Variants in AP1G1 observed in about 807,000 individuals in gnomAD.
AP1G1 encodes the protein AP-1 complex subunit gamma-1.
A neutral mutation model predicts 108.3 loss-of-function variants in AP1G1; 7 were observed. The observed-to-expected ratio is 0.06, with a 90% CI of 0.04 to 0.12. AP1G1 has a LOEUF of 0.12. Ranked by LOEUF, AP1G1 falls within the 10% of genes least tolerant of loss-of-function variation. The pLI is 1.00. For synonymous variants in AP1G1, 379 were observed against 353.5 expected, an observed-to-expected ratio of 1.07 and a Z score of -0.81; for missense variants, 756 against 1,010.7, an observed-to-expected ratio of 0.75 and a Z score of 3.42.
chr16:71,729,561 A>T lies in AP1G1; in HGVS notation c.*3497T>A, dbSNP rs2045459183. On this transcript the variant is annotated 3_prime_UTR_variant, in exon 23 of 23. Transcript: ENST00000299980. ...TCTGTTAAAGTGTTCCAGGTCCTGG[A>T]ACCCTGTCGATGGGACCCACTCACT... The T allele has an allele frequency of 6.6e-6, 1 of 152,524 alleles. No homozygotes were observed. Among genetic ancestry groups the T allele is most frequent in the Non-Finnish European group, 1.5e-5 (1 of 68,030 alleles). 9.4% of individuals were successfully genotyped at this position (152,524 alleles called of 1,614,324 possible).
intron 6 of AP1G1, chr16:71,768,004 G>C: frequency 8.3e-7 from 1 of 1,200,440 alleles, no homozygotes; most frequent in Non-Finnish European, 1.2e-6. Flanking sequence ...GAACATCTAA[G>C]GGAAAAAAAG....
chr16:71,807,815 T>C (rs2033045463), intron 1 of AP1G1: 1 of 1,289,320 alleles, frequency 7.8e-7, no homozygotes, highest in Non-Finnish European at 1.0e-6. Context: ...GATTAATATT[T>C]TTCTCCATGG....
In AP1G1 at chr16:71,765,053, A is replaced by G. The variant is rs1450596019; in HGVS notation, c.739-327T>C. ...AATGATTTTGACTATTAAAACTGTA[A>G]TTTGAAGTGGGGCACAGTGGCTCTT... On this transcript the variant is annotated intron_variant, in intron 7 of 22. Transcript: ENST00000299980. Among the ~76,000 whole-genome samples the G allele has an allele frequency of 5.9e-5, 9 of 152,214 alleles. No individual in the cohort carries two copies. In the East Asian group the frequency reaches 1.7e-3, roughly 29 times the overall value.
chr16:71,790,527 C>CAA lies in AP1G1; in HGVS notation c.-3-1047_-3-1046dup, dbSNP rs56380847. Among the ~76,000 whole-genome samples, 414 of 104,744 alleles carry CAA rather than the reference C, an allele frequency of 4.0e-3. 5 individuals are homozygous for CAA. Among genetic ancestry groups the CAA allele is most frequent in the African/African-American group, 0.011 (291 of 25,552 alleles). The allele number at this position is 104,744 out of a possible 152,430, so 68.7% of individuals were successfully genotyped here. A position where few individuals can be genotyped will look rare whatever the true frequency, so the allele number is the denominator to read the frequency against. On this transcript the variant is annotated intron_variant, in intron 1 of 22. Transcript: ENST00000299980. ...GAGCAACAAGAGTGAAACTCCATCTCAAAAAAAAAAAAAAAAGAATAGAAA... is the reference window on the plus strand; with the variant it reads ...GAGCAACAAGAGTGAAACTCCATCTCAAAAAAAAAAAAAAAAAAGAATAGAAA...
intron 1 of AP1G1, among the ~76,000 whole-genome samples, chr16:71,800,809 A>AG (rs1456718752): frequency 1.3e-5 from 2 of 149,664 alleles, no homozygotes; most frequent in Non-Finnish European, 3.0e-5. Context: ...TCAAAAAAAA[A>AG]AAAGAAAGAA....
At chr16:71,768,960 G>GCCC (rs2031449431) in intron 6 of AP1G1, among the ~76,000 whole-genome samples, 1 of 45,038 alleles carries the variant, frequency 2.2e-5, no homozygotes, top group African/African-American at 9.2e-5. Flanking sequence ...AGAAATTCCT[G>GCCC]CCTTTAAAAA....
intron 6 of AP1G1, 167 bp downstream of exon 6, chr16:71,769,456 T>G: frequency 1.5e-6 from 1 of 650,082 alleles, no homozygotes; most frequent in South Asian, 1.5e-5. Context: ...CAGTTCTCAC[T>G]TATATGCCTA....
At chr16:71,790,100 T>TA (rs55694135) in intron 1 of AP1G1, among the ~76,000 whole-genome samples, 60 of 146,076 alleles carry the variant, frequency 4.1e-4, no homozygotes, top group Middle Eastern at 6.9e-3. Flanking sequence ...CTTTTAAAAG[T>TA]AAAAAAAAAA....
chr16:71,787,518 C>G (rs2081344112), intron 2 of AP1G1, among the ~76,000 whole-genome samples: 1 of 152,104 alleles, frequency 6.6e-6, no homozygotes, highest in African/African-American at 2.4e-5. Context: ...TCTTAAAGAA[C>G]TTCCTTGGGA....
intron 4 of AP1G1, among the ~76,000 whole-genome samples, chr16:71,772,737 T>A (rs1294498533): frequency 6.6e-6 from 1 of 152,184 alleles, no homozygotes; most frequent in East Asian, 1.9e-4. Flanking sequence ...TCAAGCAATT[T>A]TTAAAAACTC....
intron 12 of AP1G1, among the ~76,000 whole-genome samples, chr16:71,754,663 T>C (rs2030684410): frequency 6.6e-6 from 1 of 152,064 alleles, no homozygotes; most frequent in Non-Finnish European, 1.5e-5. Flanking sequence ...TAGTGGCACA[T>C]GATGATTTGC....
chr16:71,760,402 G>A (rs1418633152), intron 10 of AP1G1, among the ~76,000 whole-genome samples: 1 of 151,900 alleles, frequency 6.6e-6, no homozygotes, highest in African/African-American at 2.4e-5. Context: ...AAAATTAGCT[G>A]GGCGTGGTGG....
At chr16:71,804,698 G>A (rs1386134876) in intron 1 of AP1G1, among the ~76,000 whole-genome samples, 1 of 152,132 alleles carries the variant, frequency 6.6e-6, no homozygotes, top group Non-Finnish European at 1.5e-5. Context: ...ATGAACCACT[G>A]CACCAGCCTG....
chr16:71,793,393 C>T (rs1393420616), intron 1 of AP1G1, among the ~76,000 whole-genome samples: 1 of 152,032 alleles, frequency 6.6e-6, no homozygotes, highest in Non-Finnish European at 1.5e-5. Flanking sequence ...GGAATAGAAG[C>T]TACAAATCAG....
chr16:71,737,990 C>T (rs2045570878), intron 21 of AP1G1, among the ~76,000 whole-genome samples: 2 of 152,218 alleles, frequency 1.3e-5, no homozygotes, highest in African/African-American at 4.8e-5. Context: ...TACTTACTGT[C>T]TCATCTTTTT....
intron 4 of AP1G1, among the ~76,000 whole-genome samples, chr16:71,772,551 A>G (rs2031617455): frequency 6.6e-6 from 1 of 152,224 alleles, no homozygotes; most frequent in Non-Finnish European, 1.5e-5. Context: ...AAATAATTTA[A>G]CTTTGTTTGC....
In AP1G1 at chr16:71,730,177, C is replaced by T. The variant is rs982414987; in HGVS notation, c.*2881G>A. On this transcript the variant is annotated 3_prime_UTR_variant, in exon 23 of 23. Transcript: ENST00000299980. ...ATCACTATGCACAGCCTAAAACTTC[C>T]GTGACTGTCCAAACCACCTCAAGGT... 5 of 152,572 alleles carry T rather than the reference C, an allele frequency of 3.3e-5. No homozygotes were observed. The highest frequency in any genetic ancestry group is 9.7e-5 in the African/African-American group (4 of 41,422). The allele number at this position is 152,572 out of a possible 1,614,324, so 9.5% of individuals were successfully genotyped here.
chr16:71,737,738 G>C (rs1016143271), intron 21 of AP1G1, among the ~76,000 whole-genome samples: 1 of 152,270 alleles, frequency 6.6e-6, no homozygotes, highest in Non-Finnish European at 1.5e-5. Context: ...CCAAGTCCAA[G>C]TGTGTTGTCG....
intron 6 of AP1G1, chr16:71,766,361 T>G (rs1419018162): frequency 2.4e-6 from 1 of 423,262 alleles, no homozygotes; most frequent in African/African-American, 2.1e-5. Context: ...CTTCCTTTAC[T>G]TTATCCATTA....
Sources: allele counts gnomAD v4.1 joint callset (sites outside exome capture counted in the v4.1 genomes callset), GRCh38; gene constraint gnomAD v4.1.1; transcripts MANE v1.5; gene names NCBI Gene and HGNC (gene_info 2026-07-23, HGNC 2026-07-21).